MRGPRX3: variants seen among roughly 807,000 people sequenced by gnomAD.
The protein encoded by MRGPRX3 is mas-related G protein-coupled receptor member X3.
MRGPRX3 carries 14 observed loss-of-function variants against 16.5 expected under a neutral mutation model. The ratio of observed to expected loss-of-function variants is 0.85; its 90% CI spans 0.56 to 1.33. The LOEUF is 1.33. MRGPRX3 is among the 40% of genes most tolerant of loss of function. The pLI, the probability that MRGPRX3 is intolerant of heterozygous loss-of-function variation, is 0.00. For missense variants in MRGPRX3, 449 were observed against 413.0 expected (o/e 1.09, Z -0.76); for synonymous variants, 199 against 180.1 (o/e 1.10, Z -0.84).
At chr11:18,134,199 A>G (rs1590306950) in intron 1 of MRGPRX3, among the ~76,000 whole-genome samples, 1 of 152,350 alleles carries the variant, frequency 6.6e-6, no homozygotes, top group South Asian at 2.1e-4. Context: ...GAACATATGT[A>G]TTTTGTTTAG....
chr11:18,124,415 C>T (rs1285879980), intron 1 of MRGPRX3, among the ~76,000 whole-genome samples: 6 of 152,282 alleles, frequency 3.9e-5, no homozygotes, highest in African/African-American at 4.8e-5. Flanking sequence ...TGAATTTTGT[C>T]AAAGGCCTTT....
At chr11:18,122,783 A>C (rs2134078354) in intron 1 of MRGPRX3, among the ~76,000 whole-genome samples, 1 of 152,340 alleles carries the variant, frequency 6.6e-6, no homozygotes, top group Non-Finnish European at 1.5e-5. Flanking sequence ...CAATGGTTGA[A>C]CTAGTTTACA....
chr11:18,124,915 G>C (rs1046255189), intron 1 of MRGPRX3, among the ~76,000 whole-genome samples: 1 of 152,198 alleles, frequency 6.6e-6, no homozygotes, highest in Admixed American at 6.5e-5. Flanking sequence ...GTTTAGTCTT[G>C]AGAGTGTATA....
chr11:18,129,312 A>G (rs1230927513), upstream of MRGPRX3, among the ~76,000 whole-genome samples: 5 of 152,268 alleles, frequency 3.3e-5, no homozygotes, highest in Non-Finnish European at 1.5e-5. Flanking sequence ...AGAAAAGAAC[A>G]GAGAAGATTC....
At chr11:18,135,912 A>C (rs1384746945) in intron 1 of MRGPRX3, among the ~76,000 whole-genome samples, 1 of 152,202 alleles carries the variant, frequency 6.6e-6, no homozygotes, top group Non-Finnish European at 1.5e-5. Context: ...CAATACAGGA[A>C]TAATACTAAT....
intron 1 of MRGPRX3, among the ~76,000 whole-genome samples, chr11:18,134,263 G>C (rs1214831974): frequency 6.6e-6 from 1 of 152,210 alleles, no homozygotes; most frequent in Non-Finnish European, 1.5e-5. Flanking sequence ...TCTTAAACAA[G>C]AAAGTATAGT....
upstream of MRGPRX3, among the ~76,000 whole-genome samples, chr11:18,128,713 C>G (rs983208390): frequency 6.6e-6 from 1 of 152,216 alleles, no homozygotes; most frequent in Non-Finnish European, 1.5e-5. Flanking sequence ...ATTCCCTGAC[C>G]CCTTGCACTT....
chr11:18,122,730 T>C (rs1848852493), intron 1 of MRGPRX3, among the ~76,000 whole-genome samples: 1 of 152,222 alleles, frequency 6.6e-6, no homozygotes, highest in Non-Finnish European at 1.5e-5. Context: ...TCAAATGGTA[T>C]TTCTAGTCCT....
chr11:18,137,412 G>A lies in MRGPRX3; in HGVS notation c.210G>A (p.Ala70=), dbSNP rs749919475. ...CCATCTACATCCTCAACCTGGTCGC[G>A]GCCGACTTCCTCTTCCTTAGCGGCC... The part of the protein sequence containing the change: ...AVSIYILNLV[A]ADFLFLSGHI... Residue 70 remains alanine (A), a synonymous_variant, in exon 2 of 2, where the codon GCG becomes GCA. Coordinates refer to ENST00000621697, the MANE Select transcript of MRGPRX3 (RefSeq NM_001370464.1). 47 of 1,613,996 alleles carry A rather than the reference G, an allele frequency of 2.9e-5. No homozygotes were observed. Among genetic ancestry groups the A allele is most frequent in the Admixed American group, 3.3e-5 (2 of 60,002 alleles).
intron 1 of MRGPRX3, among the ~76,000 whole-genome samples, chr11:18,124,612 G>A (rs1590302542): frequency 6.6e-6 from 1 of 152,192 alleles, no homozygotes; most frequent in South Asian, 2.1e-4. Flanking sequence ...GAGGATTTTT[G>A]CATCGATATT....
chr11:18,121,394 C>T (rs1482556655), intron 1 of MRGPRX3, among the ~76,000 whole-genome samples: 1 of 152,022 alleles, frequency 6.6e-6, no homozygotes, highest in Non-Finnish European at 1.5e-5. Context: ...GCCCAGCTGC[C>T]CCTACTGGGA....
At chr11:18,122,834 C>G (rs1305345109) in intron 1 of MRGPRX3, among the ~76,000 whole-genome samples, 1 of 152,222 alleles carries the variant, frequency 6.6e-6, no homozygotes, top group African/African-American at 2.4e-5. Flanking sequence ...TTCTCCACAT[C>G]CTCTCCAGCA....
intron 1 of MRGPRX3, among the ~76,000 whole-genome samples, chr11:18,133,268 C>G (rs1018700253): frequency 2.0e-5 from 3 of 152,168 alleles, no homozygotes; most frequent in African/African-American, 7.2e-5. Context: ...TAGGCTGAAA[C>G]GGACAGGGAA....
rs1391760417 is a variant in MRGPRX3 at position 18,123,031 on chromosome 11, G to T, written c.-152+1867G>T. Among the ~76,000 whole-genome samples, 3 of 152,114 alleles carry T rather than the reference G, an allele frequency of 2.0e-5. No homozygotes were observed. In the East Asian group the frequency reaches 5.8e-4, roughly 29 times the overall value. ...TATCCTTTGCCCACTTTTTGATGGGGTTGTTTGTTTTTTTCTTGTAAATTT... is the reference window on the plus strand; with the variant it reads ...TATCCTTTGCCCACTTTTTGATGGGTTTGTTTGTTTTTTTCTTGTAAATTT... On this transcript the variant is annotated intron_variant, in intron 1 of 2. Transcript: ENST00000396275.
At chr11:18,123,795 C>T (rs1388659146) in intron 1 of MRGPRX3, among the ~76,000 whole-genome samples, 2 of 152,160 alleles carry the variant, frequency 1.3e-5, no homozygotes. Flanking sequence ...GCCATTTTCA[C>T]GATATTGCTT....
chr11:18,131,419 C>T (rs918542933), upstream of MRGPRX3, among the ~76,000 whole-genome samples: 1 of 151,982 alleles, frequency 6.6e-6, no homozygotes, highest in African/African-American at 2.4e-5. Context: ...AAATGGCCAA[C>T]AAACAGGAAA....
chr11:18,123,570 A>G (rs1023096523), intron 1 of MRGPRX3, among the ~76,000 whole-genome samples: 1 of 152,144 alleles, frequency 6.6e-6, no homozygotes, highest in African/African-American at 2.4e-5. Flanking sequence ...TACCAGTACC[A>G]TGCTGTTTTG....
At chr11:18,126,695 T>C (rs1010936012) in intron 1 of MRGPRX3, among the ~76,000 whole-genome samples, 6 of 151,954 alleles carry the variant, frequency 3.9e-5, no homozygotes, top group Admixed American at 2.0e-4. Context: ...CCTGTGTCCA[T>C]GTGTTCTCAT....
intron 1 of MRGPRX3, among the ~76,000 whole-genome samples, chr11:18,123,269 ATGTCCCGAATGGTATTGCCT>A (rs1848858661): frequency 1.3e-5 from 2 of 152,038 alleles, no homozygotes; most frequent in Non-Finnish European, 1.5e-5. Context: ...GCCCATGCCT[ATGTCCCGAATGGTATTGCCT>A]AGGTTTTCTT....
Sources: allele counts gnomAD v4.1 joint callset (sites outside exome capture counted in the v4.1 genomes callset), GRCh38; gene constraint gnomAD v4.1.1; transcripts MANE v1.5; gene names NCBI Gene and HGNC (gene_info 2026-07-23, HGNC 2026-07-21).